The following ZFPM2 variants were observed in gnomAD, a reference collection of about 807,000 sequenced individuals.
The protein encoded by ZFPM2 is zinc finger protein, FOG family member 2, also known as zinc finger protein ZFPM2.
ZFPM2 carries 20 observed loss-of-function variants against 98.6 expected under a neutral mutation model. The observed-to-expected ratio is 0.20, with a 90% CI of 0.14 to 0.29. ZFPM2 has a LOEUF of 0.29. Among genes scored for constraint, ZFPM2 ranks in the 10% least tolerant of loss-of-function variants. ZFPM2 has a pLI of 1.00. For synonymous variants in ZFPM2, 518 were observed against 502.7 expected (o/e 1.03, Z -0.41); for missense variants, 1,310 against 1,388.6 (o/e 0.94, Z 0.90).
chr8:105,621,217 G>T (rs1013966808), intron 4 of ZFPM2, among the ~76,000 whole-genome samples: 1 of 152,118 alleles, frequency 6.6e-6, no homozygotes, highest in African/African-American at 2.4e-5. Context: ...GCAGTGGTTT[G>T]TAGTTCTCCT....
chr8:105,714,910 A>G (rs1442880667), intron 5 of ZFPM2, among the ~76,000 whole-genome samples: 1 of 152,166 alleles, frequency 6.6e-6, no homozygotes, highest in East Asian at 1.9e-4. Flanking sequence ...TTAGGAAATA[A>G]TATTCCGATA....
At chr8:105,406,523 A>G (rs1811462397) in intron 1 of ZFPM2, among the ~76,000 whole-genome samples, 2 of 152,058 alleles carry the variant, frequency 1.3e-5, no homozygotes, top group Admixed American at 6.6e-5. Flanking sequence ...CCTAGGCATT[A>G]CCATTCAGGA....
At chr8:105,779,930 C>G (rs1813202436) in intron 5 of ZFPM2, among the ~76,000 whole-genome samples, 2 of 152,140 alleles carry the variant, frequency 1.3e-5, no homozygotes, top group African/African-American at 4.8e-5. Context: ...ATTATCAAAA[C>G]TTGTAGTACA....
At chr8:105,670,420 C>T (rs1280356937) in intron 5 of ZFPM2, among the ~76,000 whole-genome samples, 23 of 133,070 alleles carry the variant, frequency 1.7e-4, no homozygotes, top group Non-Finnish European at 3.4e-4. Context: ...GGCATGAACC[C>T]GGGAGGCGGA....
At chr8:105,595,738 A>G (rs1036430682) in intron 4 of ZFPM2, among the ~76,000 whole-genome samples, 1 of 152,114 alleles carries the variant, frequency 6.6e-6, no homozygotes, top group Admixed American at 6.6e-5. Context: ...AATAGAGAAC[A>G]TTAAATATCG....
chr8:105,694,162 AT>A (rs1046050352), intron 5 of ZFPM2, among the ~76,000 whole-genome samples: 3 of 150,710 alleles, frequency 2.0e-5, no homozygotes, highest in East Asian at 2.0e-4. Flanking sequence ...ATTTTTTTGT[AT>A]TTTTAGTAGA....
intron 3 of ZFPM2, among the ~76,000 whole-genome samples, chr8:105,555,023 A>G (rs1814953133): frequency 6.6e-6 from 1 of 151,980 alleles, no homozygotes; most frequent in Non-Finnish European, 1.5e-5. Context: ...TTAGGCCAAA[A>G]AGTGGGTTGA....
intron 5 of ZFPM2, among the ~76,000 whole-genome samples, chr8:105,712,885 T>TC (rs1563532668): frequency 6.6e-6 from 1 of 152,110 alleles, no homozygotes; most frequent in Non-Finnish European, 1.5e-5. Context: ...AAGGACATGA[T>TC]ATCATTCTTT....
At chr8:105,583,728 A>G (rs1233234269) in intron 4 of ZFPM2, among the ~76,000 whole-genome samples, 3 of 152,206 alleles carry the variant, frequency 2.0e-5, no homozygotes, top group Non-Finnish European at 2.9e-5. Context: ...GGCCTCCCAG[A>G]GAGTTGAAGA....
intron 5 of ZFPM2, among the ~76,000 whole-genome samples, chr8:105,755,594 C>T (rs1812579634): frequency 6.6e-6 from 1 of 152,050 alleles, no homozygotes. Flanking sequence ...ATAGGAAGAA[C>T]AATTTCAATT....
At chr8:105,622,106 A>G (rs779506722) in intron 4 of ZFPM2, among the ~76,000 whole-genome samples, 20 of 151,812 alleles carry the variant, frequency 1.3e-4, no homozygotes, top group Non-Finnish European at 2.4e-4. Flanking sequence ...ATTTATCTAG[A>G]AAAAAAACAA....
chr8:105,769,968 T>C (rs1812945732), intron 5 of ZFPM2, among the ~76,000 whole-genome samples: 1 of 152,116 alleles, frequency 6.6e-6, no homozygotes, highest in Non-Finnish European at 1.5e-5. Context: ...TGTTGTACTT[T>C]TCTTATATGT....
chr8:105,792,469 T>G (rs1813645960), intron 6 of ZFPM2, among the ~76,000 whole-genome samples: 1 of 152,228 alleles, frequency 6.6e-6, no homozygotes, highest in African/African-American at 2.4e-5. Flanking sequence ...TTGTTATAAT[T>G]TCTGTTCTTT....
At chr8:105,396,772 T>C (rs1230751907) in intron 1 of ZFPM2, among the ~76,000 whole-genome samples, 2 of 152,152 alleles carry the variant, frequency 1.3e-5, no homozygotes, top group African/African-American at 2.4e-5. Flanking sequence ...AATACAAATA[T>C]TGCTAATCAA....
rs369037656 is a variant in ZFPM2 at position 105,489,466 on chromosome 8, A to ATTTT, written c.301+45097_301+45100dup. 1.6e-4 allele frequency among the ~76,000 whole-genome samples: 19 copies of ATTTT among 119,814 alleles called. 1 individual carries two copies. The highest frequency in any genetic ancestry group is 6.9e-4 in the African/African-American group (19 of 27,596). The allele number at this position is 119,814 out of a possible 152,430, so 78.6% of individuals were successfully genotyped here. A position where few individuals can be genotyped will look rare whatever the true frequency, so the allele number is the denominator to read the frequency against. ...TATGTTTTTATATATATATATATATATTTTTTTTTTTTTTTGAGATGGAAT... is the reference window on the plus strand; with the variant it reads ...TATGTTTTTATATATATATATATATATTTTTTTTTTTTTTTTTTTGAGATGGAAT... On this transcript the variant is annotated intron_variant, in intron 3 of 7. Transcript: ENST00000407775.
chr8:105,380,388 G>A (rs1810823053), intron 1 of ZFPM2, among the ~76,000 whole-genome samples: 1 of 150,444 alleles, frequency 6.6e-6, no homozygotes, highest in Admixed American at 6.7e-5. Flanking sequence ...GAGAAAGGCA[G>A]GTGCTGATAT....
chr8:105,330,538 C>CTCTATATA (rs1554594944), intron 1 of ZFPM2, among the ~76,000 whole-genome samples: 4 of 100,128 alleles, frequency 4.0e-5, no homozygotes, highest in African/African-American at 1.2e-4. Flanking sequence ...CTCTCTCTCT[C>CTCTATATA]TATATATATA....
chr8:105,640,143 G>A (rs912938278), intron 5 of ZFPM2, among the ~76,000 whole-genome samples: 4 of 151,948 alleles, frequency 2.6e-5, no homozygotes, highest in Admixed American at 2.6e-4. Flanking sequence ...GTTTCGATGG[G>A]TTAAGTAAGT....
At chr8:105,688,946 A>C (rs1344454059) in intron 5 of ZFPM2, among the ~76,000 whole-genome samples, 1 of 152,200 alleles carries the variant, frequency 6.6e-6, no homozygotes. Context: ...TTAGTGTTCA[A>C]ATAAATTGCC....
Sources: allele counts gnomAD v4.1 joint callset (sites outside exome capture counted in the v4.1 genomes callset), GRCh38; gene constraint gnomAD v4.1.1; transcripts MANE v1.5; gene names NCBI Gene and HGNC (gene_info 2026-07-23, HGNC 2026-07-21).